ATXN1: variants seen among roughly 807,000 people sequenced by gnomAD.
ATXN1 encodes ataxin-1.
A neutral mutation model predicts 56.4 loss-of-function variants in ATXN1; 8 were observed. The ratio of observed to expected loss-of-function variants is 0.14; its 90% CI spans 0.08 to 0.26. ATXN1 has a LOEUF of 0.26. Among genes scored for constraint, ATXN1 ranks in the 10% least tolerant of loss-of-function variants. ATXN1 has a pLI of 1.00. For synonymous variants in ATXN1, 514 were observed against 494.6 expected, an observed-to-expected ratio of 1.04 and a Z score of -0.52; for missense variants, 987 against 1,106.5, an observed-to-expected ratio of 0.89 and a Z score of 1.53.
At chr6:16,614,698 G>A (rs1763172057) in intron 3 of ATXN1, among the ~76,000 whole-genome samples, 1 of 151,668 alleles carries the variant, frequency 6.6e-6, no homozygotes, top group South Asian at 2.1e-4. Flanking sequence ...TGAAGCGGGT[G>A]GATCACTTGA....
At chr6:16,674,401 G>GT (rs1233631585) in intron 2 of ATXN1, among the ~76,000 whole-genome samples, 1 of 146,140 alleles carries the variant, frequency 6.8e-6, no homozygotes, top group Non-Finnish European at 1.5e-5. Context: ...GAGTGCAGTG[G>GT]TGTGATCTCG....
Position 16,671,022 on chromosome 6 carries a change from TAAAA to T in ATXN1, c.-614-13125_-614-13122del, listed in dbSNP as rs551935348. 4.8e-4 allele frequency among the ~76,000 whole-genome samples: 73 copies of T among 152,352 alleles called. No homozygotes were observed. In the East Asian group the frequency reaches 0.013, roughly 27 times the overall value. On this transcript the variant is annotated intron_variant, in intron 2 of 7. Coordinates refer to ENST00000436367, the MANE Select transcript of ATXN1 (RefSeq NM_001128164.2). ...TTTTGATAGCATGACATCATTAGCA[TAAAA>T]AAGCTTAGTGAATAACTATTCTGAA...
At chr6:16,663,906 T>C (rs1758375208) in intron 2 of ATXN1, among the ~76,000 whole-genome samples, 1 of 152,094 alleles carries the variant, frequency 6.6e-6, no homozygotes, top group African/African-American at 2.4e-5. Flanking sequence ...CCACAACCAA[T>C]GGAAACTAAA....
At chr6:16,744,233 G>T (rs1760443406) in intron 2 of ATXN1, among the ~76,000 whole-genome samples, 1 of 152,080 alleles carries the variant, frequency 6.6e-6, no homozygotes, top group African/African-American at 2.4e-5. Flanking sequence ...CCTTCCACTG[G>T]AAGAGCTATC....
At chr6:16,380,013 G>A (rs548562109) in intron 6 of ATXN1, among the ~76,000 whole-genome samples, 149 of 152,300 alleles carry the variant, frequency 9.8e-4, no homozygotes, top group African/African-American at 3.5e-3. Flanking sequence ...TCTCCCAAGG[G>A]CAATGAATTG....
intron 2 of ATXN1, among the ~76,000 whole-genome samples, chr6:16,693,295 G>A (rs1581370395): frequency 1.3e-5 from 2 of 152,300 alleles, no homozygotes; most frequent in East Asian, 1.9e-4. Flanking sequence ...GCTTAGGCAA[G>A]TCCCTCAAGC....
At chr6:16,390,305 T>G (rs1296597686) in intron 6 of ATXN1, among the ~76,000 whole-genome samples, 1 of 152,220 alleles carries the variant, frequency 6.6e-6, no homozygotes, top group African/African-American at 2.4e-5. Context: ...TCTGTTGTCC[T>G]ATCACCTTCC....
chr6:16,655,018 G>A (rs1758166792), intron 3 of ATXN1, among the ~76,000 whole-genome samples: 1 of 152,138 alleles, frequency 6.6e-6, no homozygotes, highest in African/African-American at 2.4e-5. Context: ...CATCATTTCT[G>A]AAGCTCTGCT....
intron 2 of ATXN1, among the ~76,000 whole-genome samples, chr6:16,735,990 T>C (rs1175310213): frequency 1.3e-5 from 2 of 152,214 alleles, no homozygotes; most frequent in African/African-American, 4.8e-5. Flanking sequence ...TTAAATTGAA[T>C]GCAAAATGAG....
intron 2 of ATXN1, among the ~76,000 whole-genome samples, chr6:16,726,089 G>A (rs1173073488): frequency 6.6e-6 from 1 of 152,166 alleles, no homozygotes; most frequent in Admixed American, 6.5e-5. Context: ...CTGTAAGAGG[G>A]AGGGGTTCCA....
At chr6:16,717,744 A>C (rs1333847447) in intron 2 of ATXN1, among the ~76,000 whole-genome samples, 2 of 152,188 alleles carry the variant, frequency 1.3e-5, no homozygotes, top group Non-Finnish European at 2.9e-5. Context: ...TAGCTCTCTG[A>C]ATCAGCATGG....
At chr6:16,487,736 T>C (rs575393369) in intron 5 of ATXN1, among the ~76,000 whole-genome samples, 1 of 152,264 alleles carries the variant, frequency 6.6e-6, no homozygotes, top group East Asian at 1.9e-4. Flanking sequence ...ATGCATAAAA[T>C]TTGAAAACTG....
At chr6:16,635,713 G>T (rs78655546) in intron 3 of ATXN1, among the ~76,000 whole-genome samples, 1 of 152,194 alleles carries the variant, frequency 6.6e-6, no homozygotes, top group African/African-American at 2.4e-5. Flanking sequence ...GTCTGAATCT[G>T]CAGAGAAATA....
At chr6:16,624,016 G>A (rs1280129196) in intron 3 of ATXN1, among the ~76,000 whole-genome samples, 2 of 152,220 alleles carry the variant, frequency 1.3e-5, no homozygotes, top group African/African-American at 4.8e-5. Context: ...GGGAAAAGAA[G>A]AGTTGCTATT....
chr6:16,578,663 G>GA (rs1561763997), intron 4 of ATXN1, among the ~76,000 whole-genome samples: 1 of 152,026 alleles, frequency 6.6e-6, no homozygotes, highest in African/African-American at 2.4e-5. Context: ...TATGCAGGGG[G>GA]CAAAAGGAAG....
Position 16,678,846 on chromosome 6 carries a change from A to ACCAACAT in ATXN1, c.-614-20952_-614-20946dup, listed in dbSNP as rs568643728. Among the ~76,000 whole-genome samples, 372 of 152,100 alleles carry ACCAACAT rather than the reference A, an allele frequency of 2.4e-3. 4 individuals are homozygous for ACCAACAT. The highest frequency in any genetic ancestry group is 8.4e-3 in the African/African-American group (350 of 41,502). On this transcript the variant is annotated intron_variant, in intron 2 of 7. Transcript: ENST00000436367. Reference sequence around the variant, plus strand: ...AGGTCAGGAGTTCGAGACCAGCCTGACCAACATGGTGAAACCCCATCTCTA... The same window carrying ACCAACAT: ...AGGTCAGGAGTTCGAGACCAGCCTGACCAACATCCAACATGGTGAAACCCCATCTCTA...
chr6:16,319,675 A>G (rs1201903621), intron 7 of ATXN1, among the ~76,000 whole-genome samples: 1 of 152,204 alleles, frequency 6.6e-6, no homozygotes, highest in Non-Finnish European at 1.5e-5. Flanking sequence ...ATAACAGGGA[A>G]AACTGTTAGG....
At position 16,327,377 on chromosome 6, in the gene ATXN1, T is replaced by C; in HGVS notation, c.934A>G (p.Ser312Gly). The change falls in exon 7 of 8, where the codon AGC becomes GGC. Residue 312 changes from serine to glycine, a missense_variant. Physicochemically the swap from Ser to Gly is moderately conservative, Grantham distance 56 (BLOSUM62 0). This residue lies in a region of ATXN1 where 723 missense variants were observed against 791.7 expected (regional missense o/e 0.91). Coordinates refer to ENST00000436367, the MANE Select transcript of ATXN1 (RefSeq NM_001128164.2). ...GCCTGGATGGCCTGCTGCAGCCGGCTGCTCTCAGCTTTCTTGGTGGCCTCC... is the reference window on the plus strand; with the variant it reads ...GCCTGGATGGCCTGCTGCAGCCGGCCGCTCTCAGCTTTCTTGGTGGCCTCC... The part of the protein sequence containing the change: ...PREATKKAES[S>G]RLQQAIQAKE... 1 of 1,613,642 alleles carries C rather than the reference T, an allele frequency of 6.2e-7. No individual in the cohort carries two copies. Among genetic ancestry groups the C allele is most frequent in the Non-Finnish European group, 8.5e-7 (1 of 1,179,972 alleles).
At chr6:16,319,949 G>C (rs568758205) in intron 7 of ATXN1, among the ~76,000 whole-genome samples, 1 of 151,594 alleles carries the variant, frequency 6.6e-6, no homozygotes, top group Non-Finnish European at 1.5e-5. Context: ...CACCAGAACA[G>C]ACAGGAAGTG....
Sources: gnomAD v4.1 joint callset for allele counts (sites outside exome capture counted in the v4.1 genomes callset) on GRCh38, gnomAD v4.1.1 for gene constraint, gnomAD v4.1.1 regional missense constraint, MANE v1.5 for transcripts, NCBI Gene and HGNC (gene_info 2026-07-23, HGNC 2026-07-21) for gene names.